Variants in FHOD3 observed in about 807,000 individuals in gnomAD.
The protein encoded by FHOD3 is FH1/FH2 domain-containing protein 3.
A neutral mutation model predicts 173.0 loss-of-function variants in FHOD3; 90 were observed. The observed-to-expected ratio is 0.52, with a 90% CI of 0.44 to 0.62. FHOD3 has a LOEUF of 0.62. Ranked by LOEUF, FHOD3 falls within the 20% of genes least tolerant of loss-of-function variation. The pLI is 0.00. For synonymous variants in FHOD3, 828 were observed against 823.0 expected (o/e 1.01, Z -0.10); for missense variants, 1,945 against 2,034.7 (o/e 0.96, Z 0.85).
chr18:36,344,237 G>A (rs1469283436), intron 1 of FHOD3, among the ~76,000 whole-genome samples: 1 of 152,170 alleles, frequency 6.6e-6, no homozygotes, highest in Non-Finnish European at 1.5e-5. Flanking sequence ...ATAGATAGAA[G>A]CACAGAAATG....
intron 3 of FHOD3, among the ~76,000 whole-genome samples, chr18:36,485,049 G>T (rs2054122776): frequency 6.6e-6 from 1 of 152,216 alleles, no homozygotes; most frequent in South Asian, 2.1e-4. Flanking sequence ...ATCTGGGAAG[G>T]AGTTGGGGTG....
chr18:36,343,231 A>G (rs1483619376), intron 1 of FHOD3, among the ~76,000 whole-genome samples: 1 of 152,262 alleles, frequency 6.6e-6, no homozygotes, highest in Non-Finnish European at 1.5e-5. Flanking sequence ...TATTATTCAT[A>G]GTAGCCAAAA....
rs7241205 is a variant in FHOD3, at chr18:36,755,347, G to A, written c.4425+36G>A. On this transcript the variant is annotated intron_variant, in intron 25 of 28. Transcript: ENST00000590592. ...CACAATCCCTCTCCTTATGTCATTC[G>A]TTTTCAAAGTAAGATCAGTCAGGAA... 1,073 of 1,269,178 alleles carry A rather than the reference G, an allele frequency of 8.5e-4. 6 individuals carry two copies. The African/African-American group carries it at 0.014, about 16-fold the overall frequency. 78.6% of individuals were successfully genotyped at this position (1,269,178 alleles called of 1,614,324 possible).
intron 6 of FHOD3, among the ~76,000 whole-genome samples, chr18:36,588,127 G>C (rs933013404): frequency 1.3e-5 from 2 of 152,148 alleles, no homozygotes; most frequent in African/African-American, 2.4e-5. Context: ...TTTATTTCTG[G>C]TAATATACAC....
chr18:36,389,494 G>A (rs773719470), intron 3 of FHOD3, among the ~76,000 whole-genome samples: 8 of 152,096 alleles, frequency 5.3e-5, no homozygotes, highest in South Asian at 2.1e-4. Context: ...CCACAATCAC[G>A]CAGCTGTGAC....
intron 1 of FHOD3, among the ~76,000 whole-genome samples, chr18:36,308,540 C>A (rs757646863): frequency 6.6e-6 from 1 of 152,176 alleles, no homozygotes; most frequent in Non-Finnish European, 1.5e-5. Context: ...ATCCCATTGT[C>A]TCTACCCATT....
At chr18:36,434,078 T>A (rs2050692629) in intron 3 of FHOD3, among the ~76,000 whole-genome samples, 1 of 152,232 alleles carries the variant, frequency 6.6e-6, no homozygotes. Context: ...AGATTAGATT[T>A]ATCTTTTCTA....
chr18:36,736,316 C>T (rs2041628422), intron 20 of FHOD3, among the ~76,000 whole-genome samples: 1 of 152,238 alleles, frequency 6.6e-6, no homozygotes, highest in South Asian at 2.1e-4. Flanking sequence ...ACTCAGTTGG[C>T]CCTCTGCCTT....
At chr18:36,494,909 G>A (rs1460093339) in intron 3 of FHOD3, among the ~76,000 whole-genome samples, 2 of 152,152 alleles carry the variant, frequency 1.3e-5, no homozygotes, top group Non-Finnish European at 2.9e-5. Context: ...GATCCAGCAG[G>A]CATTTCCCTA....
intron 17 of FHOD3, among the ~76,000 whole-genome samples, chr18:36,701,672 C>A (rs977738711): frequency 6.6e-6 from 1 of 152,152 alleles, no homozygotes; most frequent in African/African-American, 2.4e-5. Context: ...CAATTTGCTG[C>A]TTCAAATGTG....
In FHOD3 at chr18:36,718,213, C is replaced by A. The variant is rs551904999; in HGVS notation, c.2915C>A (p.Pro972Gln). 3.7e-6 allele frequency: 6 copies of A among 1,614,028 alleles called. No individual in the cohort carries two copies. The highest frequency in any genetic ancestry group is 1.7e-5 in the Admixed American group (1 of 60,014). Residue 972 changes from proline (P) to glutamine (Q), a missense_variant, in exon 19 of 29, where the codon CCG becomes CAG. This residue lies in a region of FHOD3 where 1,099 missense variants were observed against 1,051.2 expected (regional missense o/e 1.05). Coordinates refer to ENST00000590592, the MANE Select transcript of FHOD3 (RefSeq NM_001281740.3). ...GTCCCAGAAACAGCGCCGGTGCAGC[C>A]GAAGACAGAGTCTGATTACATCTGG... ...DKVPETAPVQ[P>Q]KTESDYIWDQ...
chr18:36,505,891 T>G (rs1013358920), intron 4 of FHOD3, among the ~76,000 whole-genome samples: 1 of 152,188 alleles, frequency 6.6e-6, no homozygotes, highest in Non-Finnish European at 1.5e-5. Context: ...CACACATAAA[T>G]GAAATTTTGC....
chr18:36,636,303 G>T (rs2034877000), intron 10 of FHOD3, among the ~76,000 whole-genome samples: 1 of 152,160 alleles, frequency 6.6e-6, no homozygotes, highest in Non-Finnish European at 1.5e-5. Context: ...GATGGAGCAG[G>T]GGCTATCTAA....
chr18:36,531,187 C>T (rs2056764475), intron 5 of FHOD3, among the ~76,000 whole-genome samples: 1 of 152,038 alleles, frequency 6.6e-6, no homozygotes, highest in African/African-American at 2.4e-5. Context: ...TAGATGTAAC[C>T]CAGCCAGAGT....
At chr18:36,457,438 A>G (rs1324052918) in intron 3 of FHOD3, among the ~76,000 whole-genome samples, 1 of 152,258 alleles carries the variant, frequency 6.6e-6, no homozygotes, top group East Asian at 1.9e-4. Flanking sequence ...CAAGCTCTGT[A>G]GCACACACAA....
At chr18:36,630,147 C>T (rs907966495) in intron 10 of FHOD3, among the ~76,000 whole-genome samples, 1 of 152,138 alleles carries the variant, frequency 6.6e-6, no homozygotes, top group African/African-American at 2.4e-5. Context: ...GCATTTGGAA[C>T]TCTGTGCACC....
intron 3 of FHOD3, among the ~76,000 whole-genome samples, chr18:36,423,521 G>T (rs1261985469): frequency 2.6e-5 from 4 of 152,190 alleles, no homozygotes; most frequent in African/African-American, 7.2e-5. Flanking sequence ...TGCGGAGGGG[G>T]TCTGCATTGG....
At chr18:36,502,636 A>G (rs1049077752) in intron 4 of FHOD3, among the ~76,000 whole-genome samples, 1 of 152,098 alleles carries the variant, frequency 6.6e-6, no homozygotes, top group African/African-American at 2.4e-5. Context: ...TTCTTCATCC[A>G]GTCTACCATT....
At chr18:36,535,423 C>T (rs752151530) in intron 5 of FHOD3, among the ~76,000 whole-genome samples, 3 of 152,082 alleles carry the variant, frequency 2.0e-5, no homozygotes, top group African/African-American at 7.2e-5. Flanking sequence ...GTTTCTTATG[C>T]GAGAAGTAAA....
Sources: allele counts gnomAD v4.1 joint callset (sites outside exome capture counted in the v4.1 genomes callset), GRCh38; gene constraint gnomAD v4.1.1; regional missense constraint gnomAD v4.1.1; transcripts MANE v1.5; gene names NCBI Gene and HGNC (gene_info 2026-07-23, HGNC 2026-07-21).